Variants in RASGRP3 observed in about 807,000 individuals in gnomAD.
RASGRP3 encodes the protein ras guanyl-releasing protein 3.
In RASGRP3, 54 loss-of-function variants were observed where a neutral mutation model predicts 82.7. The observed-to-expected ratio is 0.65, with a 90% confidence interval of 0.52 to 0.82. The LOEUF (loss-of-function observed/expected upper bound fraction) is 0.82. Among genes scored for constraint, RASGRP3 ranks in the 40% least tolerant of loss-of-function variants. The pLI, the probability that RASGRP3 is intolerant of heterozygous loss-of-function variation, is 0.00. For synonymous variants in RASGRP3, 309 were observed against 300.5 expected (o/e 1.03, Z -0.29); for missense variants, 861 against 828.9 (o/e 1.04, Z -0.48).
chr2:33,460,707 G>A (rs1291866520), intron 2 of RASGRP3, among the ~76,000 whole-genome samples: 1 of 151,964 alleles, frequency 6.6e-6, no homozygotes, highest in African/African-American at 2.4e-5. Flanking sequence ...TAGAGACAGA[G>A]TTTCACCTTG....
At chr2:33,439,501 A>C (rs185244133) in intron 1 of RASGRP3, among the ~76,000 whole-genome samples, 1 of 152,228 alleles carries the variant, frequency 6.6e-6, no homozygotes. Context: ...TGCCCAGTTC[A>C]ATGTGAATTT....
At position 33,503,192 on chromosome 2, in the gene RASGRP3, T is replaced by C. The variant is rs72785914; in HGVS notation, c.-260-8518T>C. On this transcript the variant is annotated intron_variant, in intron 1 of 17. Coordinates refer to ENST00000403687, the MANE Select transcript of RASGRP3 (RefSeq NM_001139488.2). ...CCTTTTTTCTCACTGTGATTTATGC[T>C]CTTAAAACATTTTTGAAATGAATTT... 2.4e-3 allele frequency among the ~76,000 whole-genome samples: 373 copies of C among 152,370 alleles called. 1 individual carries two copies. Among genetic ancestry groups the C allele is most frequent in the Non-Finnish European group, 4.1e-3 (277 of 68,042 alleles).
intron 14 of RASGRP3, among the ~76,000 whole-genome samples, chr2:33,551,686 A>T (rs1210648834): frequency 6.6e-6 from 1 of 152,086 alleles, no homozygotes; most frequent in Non-Finnish European, 1.5e-5. Context: ...ATCGCTAAAT[A>T]TAATAATAAC....
intron 12 of RASGRP3, among the ~76,000 whole-genome samples, chr2:33,540,556 T>TGTTG (rs1558506275): frequency 5.2e-5 from 2 of 38,626 alleles, no homozygotes; most frequent in Non-Finnish European, 9.0e-5. Context: ...TGTGTGTGTT[T>TGTTG]TGTGTGTGTG....
chr2:33,539,253 C>T, intron 12 of RASGRP3, 43 bp downstream of exon 12: 1 of 1,403,294 alleles, frequency 7.1e-7, no homozygotes, highest in Non-Finnish European at 9.9e-7. Context: ...CTAGAAGACC[C>T]TTTCTCTTTC....
chr2:33,496,057 T>C (rs1669278694), intron 1 of RASGRP3, among the ~76,000 whole-genome samples: 1 of 152,206 alleles, frequency 6.6e-6, no homozygotes, highest in Non-Finnish European at 1.5e-5. Context: ...TTTTGAAACT[T>C]TGTAAGAGCC....
Position 33,522,046 on chromosome 2 carries a change from A to G in RASGRP3, c.460A>G (p.Ile154Val), listed in dbSNP as rs766266040. Residue 154 changes from isoleucine (I) to valine (V), a missense_variant, in exon 7 of 18, where the codon ATT (isoleucine) becomes GTT (valine). Ile to Val is a conservative substitution (Grantham distance 29). Transcript: ENST00000403687. Reference sequence around the variant, plus strand: ...TCTGCTGTTTGACCATCTGGAGCCCATTGAATTGGCTGAGCACCTCACTTT... The same window carrying G: ...TCTGCTGTTTGACCATCTGGAGCCCGTTGAATTGGCTGAGCACCTCACTTT... ...ACLLFDHLEP[I>V]ELAEHLTFLE... The G allele has an allele frequency of 1.4e-5, 23 of 1,613,708 alleles. No homozygotes were observed. The South Asian group carries it at 2.3e-4, about 16-fold the overall frequency.
chr2:33,513,080 A>C (rs1340416512), intron 2 of RASGRP3, among the ~76,000 whole-genome samples: 1 of 152,264 alleles, frequency 6.6e-6, no homozygotes, highest in East Asian at 1.9e-4. Flanking sequence ...TAAAAAAGTT[A>C]GTTCCAGATG....
chr2:33,512,445 A>G (rs1574386386), intron 2 of RASGRP3, among the ~76,000 whole-genome samples: 1 of 152,354 alleles, frequency 6.6e-6, no homozygotes, highest in East Asian at 1.9e-4. Context: ...AAACTTGTTA[A>G]TTGTTCAATC....
At chr2:33,540,411 G>A (rs927817844) in intron 12 of RASGRP3, among the ~76,000 whole-genome samples, 1 of 146,126 alleles carries the variant, frequency 6.8e-6, no homozygotes, top group African/African-American at 2.4e-5. Context: ...CCCAGGGAAT[G>A]CAAGGACTGA....
upstream of RASGRP3, chr2:33,476,179 CCTGAGATT>C (rs2150924455): frequency 6.6e-6 from 1 of 152,286 alleles, no homozygotes; most frequent in African/African-American, 2.4e-5. Context: ...CAAACTGGAG[CCTGAGATT>C]CTGAGAAAAC....
chr2:33,447,933 C>T (rs1354745105), exon 2 of RASGRP3: 1 of 152,198 alleles, frequency 6.6e-6, no homozygotes, highest in African/African-American at 2.4e-5. Flanking sequence ...ATTTCACTGC[C>T]AAGATTCTCA....
intron 4 of RASGRP3, among the ~76,000 whole-genome samples, chr2:33,519,732 G>A (rs951906404): frequency 6.6e-6 from 1 of 152,168 alleles, no homozygotes; most frequent in Non-Finnish European, 1.5e-5. Context: ...CCTGTAAGTG[G>A]CTTCTTCTTC....
chr2:33,510,522 T>G (rs1670829287), intron 1 of RASGRP3, among the ~76,000 whole-genome samples: 2 of 152,224 alleles, frequency 1.3e-5, no homozygotes, highest in South Asian at 2.1e-4. Context: ...TGTCATCGTA[T>G]TTTTTCTTCG....
At chr2:33,561,134 T>G (rs1376128191) in intron 17 of RASGRP3, among the ~76,000 whole-genome samples, 2 of 152,058 alleles carry the variant, frequency 1.3e-5, no homozygotes, top group African/African-American at 4.8e-5. Flanking sequence ...TGGCACAATC[T>G]TAGCTCACTG....
intron 1 of RASGRP3, among the ~76,000 whole-genome samples, chr2:33,498,758 C>T (rs1332273404): frequency 6.6e-6 from 1 of 152,014 alleles, no homozygotes; most frequent in African/African-American, 2.4e-5. Context: ...TATGAGTCAC[C>T]TTGTTTTTAC....
intron 9 of RASGRP3, among the ~76,000 whole-genome samples, chr2:33,525,161 A>G (rs1305821758): frequency 6.6e-6 from 1 of 151,782 alleles, no homozygotes; most frequent in Non-Finnish European, 1.5e-5. Context: ...ATTTGGTCCT[A>G]CTATGTGATA....
intron 13 of RASGRP3, among the ~76,000 whole-genome samples, chr2:33,547,073 A>G (rs13417086): frequency 0.076 from 10,508 of 138,720 alleles, 1,198 homozygotes; most frequent in African/African-American, 0.25. Context: ...AAAAAAAAAA[A>G]AGAGAGAGAG....
chr2:33,517,210 C>G (rs1378924749), intron 4 of RASGRP3, among the ~76,000 whole-genome samples: 1 of 152,176 alleles, frequency 6.6e-6, no homozygotes, highest in Non-Finnish European at 1.5e-5. Context: ...GTTAGAAACA[C>G]CATTCCGTAA....
Sources: allele counts gnomAD v4.1 joint callset (sites outside exome capture counted in the v4.1 genomes callset), GRCh38; gene constraint gnomAD v4.1.1; transcripts MANE v1.5; gene names NCBI Gene and HGNC (gene_info 2026-07-23, HGNC 2026-07-21).